The following ABCA13 variants were observed in gnomAD, a reference collection of about 807,000 sequenced individuals.
ABCA13 encodes ATP-binding cassette sub-family A member 13.
Under a neutral mutation model 478.7 loss-of-function variants are expected in ABCA13, and 476 were observed. The ratio of observed to expected loss-of-function variants is 0.99; its 90% confidence interval spans 0.92 to 1.07. The LOEUF (loss-of-function observed/expected upper bound fraction) is 1.07. Among genes scored for constraint, ABCA13 ranks in the 50% least tolerant of loss-of-function variants. ABCA13 has a pLI of 0.00. For missense variants in ABCA13, 6,060 were observed against 5,910.6 expected (o/e 1.03, Z -0.83); for synonymous variants, 2,252 against 2,158.9 (o/e 1.04, Z -1.20).
chr7:48,427,891 C>T lies in ABCA13; in HGVS notation c.12565+20C>T, dbSNP rs538101644. 47 of 1,477,638 alleles carry T rather than the reference C, an allele frequency of 3.2e-5. No homozygotes were observed. In the South Asian group the frequency reaches 5.4e-4, roughly 17 times the overall value. The allele number at this position is 1,477,638 out of a possible 1,614,324, so 91.5% of individuals were successfully genotyped here. On this transcript the variant is annotated intron_variant, in intron 42 of 61. Coordinates refer to ENST00000435803, the MANE Select transcript of ABCA13 (RefSeq NM_152701.5). ...GCTACTGTAAGTACAGAATGGCTTC[C>T]TGCATTTCTGCTGGAGGAACAATGA...
At chr7:48,240,821 C>T in intron 9 of ABCA13, 46 bp from the exon 10 acceptor site, 1 of 1,418,696 alleles carries the variant, frequency 7.0e-7, no homozygotes, top group East Asian at 2.4e-5. Context: ...CTGTTCTTTC[C>T]AATTTGCTAT....
chr7:48,517,331 AATG>A (rs1832203982), intron 52 of ABCA13, among the ~76,000 whole-genome samples: 1 of 152,126 alleles, frequency 6.6e-6, no homozygotes, highest in Non-Finnish European at 1.5e-5. Context: ...AGCATGTCTG[AATG>A]ATGATCTGGC....
At position 48,443,690 on chromosome 7, in the gene ABCA13, C is replaced by A. The variant is rs141003856; in HGVS notation, c.12566-11347C>A. Among the ~76,000 whole-genome samples the A allele has an allele frequency of 2.6e-5, 4 of 152,020 alleles. No individual in the cohort carries two copies. In the East Asian group the frequency reaches 7.8e-4, roughly 30 times the overall value. ...TGTCAACACTGCCCAGAAATTTAAC[C>A]ATGTTTCCCTGGCCAACTCTCACTT... On this transcript the variant is annotated intron_variant, in intron 42 of 61. Transcript: ENST00000435803.
chr7:48,491,942 CAG>C (rs1341599954), intron 48 of ABCA13, among the ~76,000 whole-genome samples: 1 of 152,162 alleles, frequency 6.6e-6, no homozygotes, highest in Non-Finnish European at 1.5e-5. Flanking sequence ...GCACCAGGCT[CAG>C]GGGACATTCA....
At chr7:48,175,486 T>C (rs537955282) in intron 1 of ABCA13, among the ~76,000 whole-genome samples, 2 of 152,018 alleles carry the variant, frequency 1.3e-5, no homozygotes, top group South Asian at 2.1e-4. Flanking sequence ...AATGGTGTGA[T>C]CTCGGCTCAC....
chr7:48,216,080 A>G (rs1422650695), intron 3 of ABCA13, among the ~76,000 whole-genome samples: 2 of 152,190 alleles, frequency 1.3e-5, no homozygotes, highest in Non-Finnish European at 2.9e-5. Flanking sequence ...TTCATGTGCA[A>G]GTTTTAAAAT....
chr7:48,334,258 G>C (rs1360496080), intron 27 of ABCA13, among the ~76,000 whole-genome samples: 1 of 151,830 alleles, frequency 6.6e-6, no homozygotes, highest in South Asian at 2.1e-4. Context: ...CGTTTACTGA[G>C]TATTTGCTAT....
Position 48,587,280 on chromosome 7 carries a change from C to A in ABCA13, c.14632C>A (p.Leu4878Ile). 6.2e-7 allele frequency: 1 copy of A among 1,605,496 alleles called. No homozygotes were observed. The highest frequency in any genetic ancestry group is 8.5e-7 in the Non-Finnish European group (1 of 1,175,520). Reference protein sequence around the residue: ...ALALVGKPDILLLDEPSSGMD... With the variant: ...ALALVGKPDIILLDEPSSGMD... The stretch of plus-strand genomic sequence containing the variant: ...GGCCCTGGTGGGGAAACCTGACATT[C>A]TTTTATTGGTGAGTAGAAGAATGTC... The change falls in exon 57 of 62, where the codon CTT (leucine) becomes ATT (isoleucine). Residue 4878 changes from leucine to isoleucine, a missense_variant. Physicochemically the swap from Leu to Ile is conservative, Grantham distance 5 (BLOSUM62 2). Transcript: ENST00000435803.
intron 20 of ABCA13, among the ~76,000 whole-genome samples, chr7:48,295,392 A>G (rs534877157): frequency 1.9e-3 from 295 of 152,258 alleles, no homozygotes; most frequent in Non-Finnish European, 3.4e-3. Context: ...TTTTTCTGCT[A>G]TTGAATTGTG....
At chr7:48,171,809 A>T (rs1354666377) in intron 1 of ABCA13, among the ~76,000 whole-genome samples, 2 of 152,216 alleles carry the variant, frequency 1.3e-5, no homozygotes, top group African/African-American at 4.8e-5. Flanking sequence ...AAAACAAACA[A>T]ACAAAAAAGC....
chr7:48,441,694 GA>G (rs1823615423), intron 42 of ABCA13, among the ~76,000 whole-genome samples: 1 of 152,088 alleles, frequency 6.6e-6, no homozygotes, highest in African/African-American at 2.4e-5. Flanking sequence ...CGGACACTAT[GA>G]TAGGCACTTT....
chr7:48,500,014 T>G (rs1830607054), intron 48 of ABCA13, among the ~76,000 whole-genome samples: 1 of 152,212 alleles, frequency 6.6e-6, no homozygotes, highest in Non-Finnish European at 1.5e-5. Context: ...TTGATCAGAC[T>G]GGTATCCAGA....
At chr7:48,570,492 T>A (rs1264416112) in intron 55 of ABCA13, among the ~76,000 whole-genome samples, 1 of 151,788 alleles carries the variant, frequency 6.6e-6, no homozygotes, top group Non-Finnish European at 1.5e-5. Flanking sequence ...GCCTGGCCAA[T>A]TTTTTGTTTT....
intron 24 of ABCA13, among the ~76,000 whole-genome samples, chr7:48,312,004 A>G: frequency 6.6e-6 from 1 of 152,190 alleles, no homozygotes; most frequent in East Asian, 1.9e-4. Flanking sequence ...GGCAGCTGCA[A>G]TTAGAAAGAT....
intron 39 of ABCA13, 109 bp from the exon 40 acceptor site, chr7:48,410,411 G>A (rs566623052): frequency 1.4e-5 from 19 of 1,373,428 alleles, no homozygotes; most frequent in Non-Finnish European, 1.8e-5. Context: ...TTGAAAATTG[G>A]TGAGGATCTT....
At chr7:48,518,834 T>A (rs188155635) in intron 52 of ABCA13, among the ~76,000 whole-genome samples, 17 of 152,242 alleles carry the variant, frequency 1.1e-4, no homozygotes, top group Admixed American at 1.0e-3. Context: ...AGTTCTGGGG[T>A]ACATGTGCAG....
chr7:48,389,133 C>G lies in ABCA13; in HGVS notation c.11567C>G (p.Ala3856Gly). 1 of 1,613,948 alleles carries G rather than the reference C, an allele frequency of 6.2e-7. No homozygotes were observed. Residue 3856 changes from alanine to glycine, a missense_variant, in exon 37 of 62, where the codon GCT (alanine) becomes GGT (glycine). Ala to Gly is a moderately conservative substitution (Grantham distance 60). Transcript: ENST00000435803. ...ACCAAGGAATATGAGGGCCACAAGG[C>G]TGTGGTCCAAGACCTCAGCCTGACC... The part of the protein sequence containing the change: ...SVTKEYEGHK[A>G]VVQDLSLTFY...
chr7:48,535,114 T>C (rs137884807), intron 55 of ABCA13, among the ~76,000 whole-genome samples: 1 of 152,316 alleles, frequency 6.6e-6, no homozygotes, highest in East Asian at 1.9e-4. Context: ...ATTGTTTTTC[T>C]GGTTTCCTCC....
chr7:48,490,208 C>T (rs1007210944), intron 48 of ABCA13, among the ~76,000 whole-genome samples: 1 of 152,058 alleles, frequency 6.6e-6, no homozygotes, highest in South Asian at 2.1e-4. Flanking sequence ...TAAAAATGTA[C>T]GTGACTAAGA....
Sources: gnomAD v4.1 joint callset for allele counts (sites outside exome capture counted in the v4.1 genomes callset) on GRCh38, gnomAD v4.1.1 for gene constraint, MANE v1.5 for transcripts, NCBI Gene and HGNC (gene_info 2026-07-23, HGNC 2026-07-21) for gene names.